ZSWIM6: variants seen among roughly 807,000 people sequenced by gnomAD.
ZSWIM6 encodes the protein zinc finger SWIM-type containing 6, also known as zinc finger SWIM domain-containing protein 6.
A neutral mutation model predicts 113.2 loss-of-function variants in ZSWIM6; 9 were observed. The observed-to-expected ratio is 0.08, with a 90% CI of 0.05 to 0.14. The LOEUF (loss-of-function observed/expected upper bound fraction) is 0.14. Ranked by LOEUF, ZSWIM6 falls within the 10% of genes least tolerant of loss-of-function variation. The pLI, the probability that ZSWIM6 is intolerant of heterozygous loss-of-function variation, is 1.00. For synonymous variants in ZSWIM6, 611 were observed against 606.5 expected (o/e 1.01, Z -0.11); for missense variants, 1,162 against 1,552.2 (o/e 0.75, Z 4.22).
chr5:61,400,540 CTG>C (rs1406467945), intron 1 of ZSWIM6, among the ~76,000 whole-genome samples: 2 of 152,220 alleles, frequency 1.3e-5, no homozygotes, highest in African/African-American at 2.4e-5. Context: ...CAGCATCTGT[CTG>C]TGACATACTT....
rs60097146 is a variant in ZSWIM6, at chr5:61,453,378, C to CTTT, written c.677-19290_677-19288dup. Among the ~76,000 whole-genome samples, 132 of 135,874 alleles carry CTTT rather than the reference C, an allele frequency of 9.7e-4. 1 individual carries two copies. Among genetic ancestry groups the CTTT allele is most frequent in the Middle Eastern group, 7.8e-3 (2 of 258 alleles). 89.1% of individuals were successfully genotyped at this position (135,874 alleles called of 152,430 possible). On this transcript the variant is annotated intron_variant, in intron 1 of 13. Coordinates refer to ENST00000252744, the MANE Select transcript of ZSWIM6 (RefSeq NM_020928.2). ...AACACTTTACGTCCACTCTCTCTCT[C>CTTT]TTTTTTTTTTTTTTTGTGCCAGGGT...
chr5:61,370,357 C>G (rs1057441640), intron 1 of ZSWIM6, among the ~76,000 whole-genome samples: 1 of 152,208 alleles, frequency 6.6e-6, no homozygotes, highest in African/African-American at 2.4e-5. Context: ...ATTGTGTTAA[C>G]CAACCATAGT....
chr5:61,362,968 A>G (rs367931766), intron 1 of ZSWIM6, among the ~76,000 whole-genome samples: 22 of 152,224 alleles, frequency 1.4e-4, no homozygotes, highest in South Asian at 2.1e-4. Context: ...TGTTCTCAAT[A>G]ATACTGTCTC....
intron 1 of ZSWIM6, among the ~76,000 whole-genome samples, chr5:61,344,902 A>G (rs1331991120): frequency 6.6e-6 from 1 of 152,230 alleles, no homozygotes; most frequent in African/African-American, 2.4e-5. Flanking sequence ...TTTTTCTGAA[A>G]TAGGATGTAC....
intron 4 of ZSWIM6, among the ~76,000 whole-genome samples, chr5:61,515,243 C>T (rs1748900202): frequency 6.6e-6 from 1 of 152,152 alleles, no homozygotes; most frequent in African/African-American, 2.4e-5. Context: ...ATTCCCCTGT[C>T]TCAGCCTCCA....
intron 1 of ZSWIM6, among the ~76,000 whole-genome samples, chr5:61,374,778 ATC>A (rs1422439469): frequency 6.6e-6 from 1 of 152,046 alleles, no homozygotes; most frequent in Non-Finnish European, 1.5e-5. Flanking sequence ...GATGGTCTCA[ATC>A]TCCTGACCTC....
chr5:61,332,325 C>A lies in ZSWIM6; in HGVS notation c.53C>A (p.Pro18Gln). The change falls in exon 1 of 14, where the codon CCG becomes CAG. Residue 18 changes from proline (P) to glutamine (Q), a missense_variant. Around this residue, in one of 4 missense-constraint regions of ZSWIM6, gnomAD observed 333 missense variants for 293.4 expected, o/e 1.13. Coordinates refer to ENST00000252744, the MANE Select transcript of ZSWIM6 (RefSeq NM_020928.2). ...CCCGCGAAACGGCTTTGCTGCCGGC[C>A]GGGCGGCGGCGGCGGCGGCGGGGGC... The part of the protein sequence containing the change: ...PPPAKRLCCR[P>Q]GGGGGGGGSS... 8.7e-7 allele frequency: 1 copy of A among 1,146,848 alleles called. No individual in the cohort carries two copies. The highest frequency in any genetic ancestry group is 1.1e-6 in the Non-Finnish European group (1 of 935,964). The allele number at this position is 1,146,848 out of a possible 1,614,324, so 71.0% of individuals were successfully genotyped here.
chr5:61,537,122 G>A (rs1216187223), intron 10 of ZSWIM6, among the ~76,000 whole-genome samples: 1 of 152,160 alleles, frequency 6.6e-6, no homozygotes, highest in East Asian at 1.9e-4. Context: ...CAAAGTTTAA[G>A]GGTAAAATAG....
At chr5:61,457,510 CTCTA>C (rs1460025028) in intron 1 of ZSWIM6, among the ~76,000 whole-genome samples, 11 of 152,102 alleles carry the variant, frequency 7.2e-5, no homozygotes, top group African/African-American at 1.4e-4. Flanking sequence ...TAAGTGGCCC[CTCTA>C]TCTTTTTTTT....
At chr5:61,539,499 C>T in intron 11 of ZSWIM6, 97 bp from the exon 12 acceptor site, 4 of 1,326,482 alleles carry the variant, frequency 3.0e-6, no homozygotes, top group Non-Finnish European at 4.0e-6. Context: ...TCTTTTTTCC[C>T]CCTCTGTGTG....
At chr5:61,488,991 A>G (rs1449040737) in intron 2 of ZSWIM6, among the ~76,000 whole-genome samples, 2 of 151,932 alleles carry the variant, frequency 1.3e-5, no homozygotes, top group African/African-American at 2.4e-5. Flanking sequence ...ACTCTCAGGG[A>G]AAAAAACTAA....
At chr5:61,476,608 T>G (rs903315337) in intron 2 of ZSWIM6, among the ~76,000 whole-genome samples, 3 of 152,230 alleles carry the variant, frequency 2.0e-5, no homozygotes, top group Non-Finnish European at 4.4e-5. Context: ...GCAAAATTGT[T>G]TGCTCTTGGT....
intron 1 of ZSWIM6, chr5:61,375,904 G>A (rs1745365984): frequency 2.4e-6 from 2 of 822,288 alleles, no homozygotes; most frequent in South Asian, 3.2e-5. Context: ...AATGTCTGAG[G>A]AAATTTCAAC....
chr5:61,409,579 A>G (rs1262977165), intron 1 of ZSWIM6, among the ~76,000 whole-genome samples: 3 of 152,142 alleles, frequency 2.0e-5, no homozygotes, highest in Non-Finnish European at 4.4e-5. Context: ...CCCCTTCTCC[A>G]CCATACCCTG....
At chr5:61,402,785 G>A (rs768421227) in intron 1 of ZSWIM6, among the ~76,000 whole-genome samples, 1 of 151,890 alleles carries the variant, frequency 6.6e-6, no homozygotes, top group Non-Finnish European at 1.5e-5. Flanking sequence ...TGTCCCTATG[G>A]GAATATTTAG....
intron 7 of ZSWIM6, among the ~76,000 whole-genome samples, chr5:61,529,432 T>C (rs1466251287): frequency 6.6e-6 from 1 of 152,212 alleles, no homozygotes; most frequent in African/African-American, 2.4e-5. Flanking sequence ...ATGGCAAAGG[T>C]TCTCTCTTAA....
chr5:61,351,403 A>G (rs1258723339), intron 1 of ZSWIM6, among the ~76,000 whole-genome samples: 1 of 152,180 alleles, frequency 6.6e-6, no homozygotes, highest in Non-Finnish European at 1.5e-5. Context: ...AAGAAGATAG[A>G]ACAACTCTTA....
At chr5:61,396,489 C>T (rs930221118) in intron 1 of ZSWIM6, among the ~76,000 whole-genome samples, 9 of 150,270 alleles carry the variant, frequency 6.0e-5, no homozygotes, top group Non-Finnish European at 1.2e-4. Context: ...CGACATCGCG[C>T]CACTGCACTC....
intron 1 of ZSWIM6, among the ~76,000 whole-genome samples, chr5:61,381,061 C>T (rs1287156635): frequency 1.3e-5 from 2 of 151,776 alleles, no homozygotes; most frequent in Non-Finnish European, 1.5e-5. Flanking sequence ...CCAGCCTGGC[C>T]AACACGTCGA....
Sources: allele counts gnomAD v4.1 joint callset (sites outside exome capture counted in the v4.1 genomes callset), GRCh38; gene constraint gnomAD v4.1.1; regional missense constraint gnomAD v4.1.1; transcripts MANE v1.5; gene names NCBI Gene and HGNC (gene_info 2026-07-23, HGNC 2026-07-21).